PRUNE2: variants seen among roughly 807,000 people sequenced by gnomAD.
PRUNE2 encodes the protein protein prune homolog 2.
A neutral mutation model predicts 252.0 loss-of-function variants in PRUNE2; 164 were observed. The ratio of observed to expected loss-of-function variants is 0.65; its 90% CI spans 0.57 to 0.74. The LOEUF is 0.74. Ranked by LOEUF, PRUNE2 falls within the 30% of genes least tolerant of loss-of-function variation. The probability of loss-of-function intolerance (pLI) is 0.00; values close to 1 mark genes in which losing one functional copy is unlikely to be tolerated. For missense variants in PRUNE2, 3,495 were observed against 3,711.0 expected (o/e 0.94, Z 1.51); for synonymous variants, 1,292 against 1,350.2 (o/e 0.96, Z 0.94).
intron 4 of PRUNE2, among the ~76,000 whole-genome samples, chr9:76,834,039 C>T (rs2058822230): frequency 1.3e-5 from 2 of 151,744 alleles, no homozygotes; most frequent in South Asian, 4.2e-4. Context: ...TGTGCCACCA[C>T]ACCTGGCTAA....
intron 9 of PRUNE2, among the ~76,000 whole-genome samples, chr9:76,662,598 C>T (rs1563955636): frequency 6.6e-6 from 1 of 152,168 alleles, no homozygotes; most frequent in Admixed American, 6.5e-5. Flanking sequence ...CAAGAGCTGG[C>T]ACACACATAC....
At chr9:76,892,333 G>A (rs1179778934) in intron 1 of PRUNE2, among the ~76,000 whole-genome samples, 1 of 152,188 alleles carries the variant, frequency 6.6e-6, no homozygotes, top group Non-Finnish European at 1.5e-5. Context: ...TCTGAGTCTT[G>A]AAATTTGGGA....
Position 76,749,269 on chromosome 9 carries a change from C to G in PRUNE2, c.757-35548G>C, listed in dbSNP as rs561442322. On this transcript the variant is annotated intron_variant, in intron 6 of 18. Transcript: ENST00000376718. ...GGCAAAACTGAGGGCTGAACTCTGA[C>G]TGCAGTTCTTTGTTCTAAATTTCTT... is the stretch of plus-strand genomic sequence containing the variant. Among the ~76,000 whole-genome samples the G allele has an allele frequency of 9.6e-4, 146 of 152,334 alleles. 1 individual carries two copies. Among genetic ancestry groups the G allele is most frequent in the African/African-American group, 3.3e-3 (137 of 41,584 alleles).
intron 6 of PRUNE2, among the ~76,000 whole-genome samples, chr9:76,717,898 G>A (rs1443708752): frequency 2.0e-5 from 3 of 152,190 alleles, no homozygotes; most frequent in African/African-American, 4.8e-5. Context: ...TAGAGGTCAC[G>A]TGTCTTGTTG....
At chr9:76,879,096 T>C (rs1021882482) in intron 1 of PRUNE2, among the ~76,000 whole-genome samples, 39 of 152,172 alleles carry the variant, frequency 2.6e-4, no homozygotes, top group African/African-American at 9.4e-4. Context: ...TGAGCACTAG[T>C]AAACAGTTTG....
Position 76,624,442 on chromosome 9 carries a change from C to A in PRUNE2, c.9188+10G>T. The A allele has an allele frequency of 7.1e-7, 1 of 1,412,234 alleles. No individual in the cohort carries two copies. Among genetic ancestry groups the A allele is most frequent in the East Asian group, 2.7e-5 (1 of 37,600 alleles). The allele number at this position is 1,412,234 out of a possible 1,614,324, so 87.5% of individuals were successfully genotyped here. ...ATCATGCCAGCCGCTAAACGAAAACCAAGTCTTACTTAGCTGCCTCTGATG... is the reference window on the plus strand; with the variant it reads ...ATCATGCCAGCCGCTAAACGAAAACAAAGTCTTACTTAGCTGCCTCTGATG... On this transcript the variant is annotated intron_variant, in intron 17 of 18. Transcript: ENST00000376718.
At chr9:76,645,070 C>T (rs913740431) in intron 11 of PRUNE2, 161 bp from the exon 12 acceptor site, 1 of 634,374 alleles carries the variant, frequency 1.6e-6, no homozygotes, top group Non-Finnish European at 2.7e-6. Context: ...TTTTGTACAG[C>T]CTTTACAGAG....
chr9:76,739,792 A>G, intron 6 of PRUNE2: 1 of 152,214 alleles, frequency 6.6e-6, no homozygotes, highest in East Asian at 1.9e-4. Context: ...TCTCAATAAA[A>G]TGTTAACTAT....
Position 76,801,382 on chromosome 9 carries a change from A to G in PRUNE2, c.756+22250T>C, listed in dbSNP as rs572923944. 7.2e-5 allele frequency among the ~76,000 whole-genome samples: 11 copies of G among 152,332 alleles called. No homozygotes were observed. In the East Asian group the frequency reaches 2.1e-3, roughly 29 times the overall value. ...TAGAAAATTTGGCATGGATACAACA[A>G]TTCAACATCCCTTAGCAGATTATTA... On this transcript the variant is annotated intron_variant, in intron 6 of 18. Coordinates refer to ENST00000376718, the MANE Select transcript of PRUNE2 (RefSeq NM_015225.3).
chr9:76,745,105 T>C (rs10869810), intron 6 of PRUNE2, among the ~76,000 whole-genome samples: 30,043 of 152,008 alleles, frequency 0.2, 3,644 homozygotes, highest in East Asian at 0.49. Context: ...TTTGCAAAAT[T>C]ATCACAGAAA....
At position 76,710,213 on chromosome 9, in the gene PRUNE2, T is replaced by C. The variant is rs1349887332; in HGVS notation, c.2061A>G (p.Lys687=). Reference sequence around the variant, plus strand: ...TATCAATGGAGCTTGGCTTATGCTCTTTCCATGATTCAGGGCTCTGGAAAA... The same window carrying C: ...TATCAATGGAGCTTGGCTTATGCTCCTTCCATGATTCAGGGCTCTGGAAAA... The part of the protein sequence containing the change: ...ESVFQSPESW[K]EHKPSSIDRR... The change falls in exon 8 of 19, where the codon AAA becomes AAG. Residue 687 remains lysine, a synonymous_variant. Coordinates refer to ENST00000376718, the MANE Select transcript of PRUNE2 (RefSeq NM_015225.3). 6.8e-6 allele frequency: 11 copies of C among 1,613,862 alleles called. No individual in the cohort carries two copies. The highest frequency in any genetic ancestry group is 9.3e-6 in the Non-Finnish European group (11 of 1,179,886).
intron 1 of PRUNE2, among the ~76,000 whole-genome samples, chr9:76,891,711 G>C (rs1443727364): frequency 6.6e-6 from 1 of 152,144 alleles, no homozygotes; most frequent in Non-Finnish European, 1.5e-5. Context: ...TGCTCTCAAT[G>C]AGACCTTCAA....
intron 6 of PRUNE2, chr9:76,737,567 T>C (rs1050092677): frequency 6.6e-6 from 1 of 152,198 alleles, no homozygotes; most frequent in Admixed American, 6.5e-5. Context: ...AACAGAGTAA[T>C]GCAAAAACAT....
At chr9:76,751,837 T>A (rs2050638770) in intron 6 of PRUNE2, among the ~76,000 whole-genome samples, 1 of 152,152 alleles carries the variant, frequency 6.6e-6, no homozygotes, top group Admixed American at 6.5e-5. Context: ...AGAAAACTAG[T>A]GGTGGTTTGG....
intron 9 of PRUNE2, among the ~76,000 whole-genome samples, chr9:76,688,037 A>G (rs768218238): frequency 5.9e-5 from 9 of 152,208 alleles, no homozygotes; most frequent in Non-Finnish European, 8.8e-5. Flanking sequence ...CCCACAATCA[A>G]GACTCATTCT....
At chr9:76,624,139 G>T (rs1833645302) in intron 17 of PRUNE2, among the ~76,000 whole-genome samples, 1 of 152,072 alleles carries the variant, frequency 6.6e-6, no homozygotes, top group Non-Finnish European at 1.5e-5. Flanking sequence ...AATACCTAAT[G>T]ATCATCTCGA....
intron 9 of PRUNE2, among the ~76,000 whole-genome samples, chr9:76,686,846 T>C (rs188586046): frequency 7.7e-4 from 117 of 152,202 alleles, no homozygotes; most frequent in African/African-American, 2.5e-3. Context: ...GATCCTCCCA[T>C]CTTCGCCTCC....
At chr9:76,736,129 T>TGTGTGA (rs1472958741) in intron 6 of PRUNE2, among the ~76,000 whole-genome samples, 1 of 119,962 alleles carries the variant, frequency 8.3e-6, no homozygotes, top group East Asian at 2.1e-4. Context: ...TAGTAGGGTT[T>TGTGTGA]GTGTGAGTGT....
intron 6 of PRUNE2, among the ~76,000 whole-genome samples, chr9:76,798,226 C>G (rs2056272780): frequency 6.6e-6 from 1 of 152,114 alleles, no homozygotes; most frequent in South Asian, 2.1e-4. Context: ...GCTGGGCCAC[C>G]AATGTTTAGA....
Sources: allele counts gnomAD v4.1 joint callset (sites outside exome capture counted in the v4.1 genomes callset), GRCh38; gene constraint gnomAD v4.1.1; transcripts MANE v1.5; gene names NCBI Gene and HGNC (gene_info 2026-07-23, HGNC 2026-07-21).